Variants in ARHGAP44 observed in about 807,000 individuals in gnomAD.
ARHGAP44 encodes the protein Rho GTPase activating protein 44, also known as rho GTPase-activating protein 44.
In ARHGAP44, 43 loss-of-function variants were observed where a neutral mutation model predicts 106.8. The ratio of observed to expected loss-of-function variants is 0.40; its 90% CI spans 0.32 to 0.52. ARHGAP44 has a LOEUF of 0.52. ARHGAP44 is among the 20% of genes least tolerant of loss of function. The pLI is 0.48. For synonymous variants in ARHGAP44, 439 were observed against 410.3 expected (o/e 1.07, Z -0.85); for missense variants, 866 against 1,050.5 (o/e 0.82, Z 2.43).
At chr17:12,879,733 T>TACAC (rs757560105) in intron 1 of ARHGAP44, among the ~76,000 whole-genome samples, 16 of 148,430 alleles carry the variant, frequency 1.1e-4, no homozygotes, top group African/African-American at 3.7e-4. Context: ...TATATATATA[T>TACAC]ACACACACAC....
intron 16 of ARHGAP44, among the ~76,000 whole-genome samples, chr17:12,960,041 AGAG>A (rs1414946399): frequency 3.9e-5 from 6 of 152,212 alleles, no homozygotes; most frequent in African/African-American, 1.4e-4. Flanking sequence ...TAAAGTTGGC[AGAG>A]GAGACCTAGG....
chr17:12,914,051 A>G (rs1598045052), intron 4 of ARHGAP44, among the ~76,000 whole-genome samples: 1 of 151,696 alleles, frequency 6.6e-6, no homozygotes, highest in South Asian at 2.1e-4. Context: ...TGTAGCAGAT[A>G]GGAAAAAGAG....
chr17:12,817,966 A>G (rs180774986), intron 1 of ARHGAP44, among the ~76,000 whole-genome samples: 2 of 152,168 alleles, frequency 1.3e-5, no homozygotes, highest in Admixed American at 6.5e-5. Context: ...TCTCTTTCAG[A>G]AAACAGAAGG....
chr17:12,968,753 TTTTTCTTTTATTTC>T (rs2143282489), intron 16 of ARHGAP44, among the ~76,000 whole-genome samples: 1 of 147,958 alleles, frequency 6.8e-6, no homozygotes, highest in Non-Finnish European at 1.5e-5. Context: ...TTTCTTTTTC[TTTTTCTTTTATTTC>T]TTTTCTTTTT....
At chr17:12,960,941 G>T (rs982104141) in intron 16 of ARHGAP44, among the ~76,000 whole-genome samples, 1 of 152,208 alleles carries the variant, frequency 6.6e-6, no homozygotes, top group African/African-American at 2.4e-5. Context: ...ACTAGACAGT[G>T]CATTGGAACT....
intron 1 of ARHGAP44, 75 bp downstream of exon 1, chr17:12,789,966 C>G: frequency 7.3e-7 from 1 of 1,367,302 alleles, no homozygotes; most frequent in East Asian, 3.1e-5. Context: ...GGTGATGGAG[C>G]CCGCCCAGCC....
chr17:12,889,570 G>A (rs571229652), intron 1 of ARHGAP44, among the ~76,000 whole-genome samples: 45 of 152,240 alleles, frequency 3.0e-4, no homozygotes, highest in African/African-American at 1.0e-3. Flanking sequence ...TTCCAACACA[G>A]GAACTTCAGG....
chr17:12,831,157 T>C (rs2035076258), intron 1 of ARHGAP44, among the ~76,000 whole-genome samples: 1 of 152,338 alleles, frequency 6.6e-6, no homozygotes, highest in African/African-American at 2.4e-5. Flanking sequence ...CATTGAATTC[T>C]TCAACAACTC....
chr17:12,898,005 T>C (rs1378859934), intron 3 of ARHGAP44, among the ~76,000 whole-genome samples: 2 of 152,040 alleles, frequency 1.3e-5, no homozygotes, highest in Non-Finnish European at 2.9e-5. Flanking sequence ...ATTTGAGGTA[T>C]GGCAAAGCCA....
At chr17:12,851,209 C>G (rs2035729638) in intron 1 of ARHGAP44, among the ~76,000 whole-genome samples, 1 of 152,216 alleles carries the variant, frequency 6.6e-6, no homozygotes, top group African/African-American at 2.4e-5. Flanking sequence ...CCGCTGTGGC[C>G]TCTCCCTGCA....
chr17:12,879,429 G>A (rs1427783407), intron 1 of ARHGAP44, among the ~76,000 whole-genome samples: 1 of 152,074 alleles, frequency 6.6e-6, no homozygotes, highest in East Asian at 1.9e-4. Flanking sequence ...CTATAAACAT[G>A]CATGTGTAAG....
intron 1 of ARHGAP44, among the ~76,000 whole-genome samples, chr17:12,831,318 T>C (rs2035082593): frequency 6.6e-6 from 1 of 152,190 alleles, no homozygotes; most frequent in Non-Finnish European, 1.5e-5. Context: ...TCCTGTTATT[T>C]TACCAAAATC....
At position 12,841,991 on chromosome 17, in the gene ARHGAP44, A is replaced by C. The variant is rs142247275; in HGVS notation, c.53+52100A>C. On this transcript the variant is annotated intron_variant, in intron 1 of 20. Coordinates refer to ENST00000379672, the MANE Select transcript of ARHGAP44 (RefSeq NM_014859.6). ...CAAAACAGCAATACCGGTTTAGGGA[A>C]AGGAAAGTAATTCTGCATGACCTCT... Among the ~76,000 whole-genome samples, 245 of 152,262 alleles carry C rather than the reference A, an allele frequency of 1.6e-3. 1 individual carries two copies. The highest frequency in any genetic ancestry group is 5.5e-3 in the African/African-American group (228 of 41,558).
intron 1 of ARHGAP44, among the ~76,000 whole-genome samples, chr17:12,838,875 T>C (rs2035316035): frequency 6.6e-6 from 1 of 151,936 alleles, no homozygotes; most frequent in Non-Finnish European, 1.5e-5. Context: ...TATATGTATA[T>C]ATATATATTT....
intron 18 of ARHGAP44, among the ~76,000 whole-genome samples, chr17:12,975,109 C>T (rs1379898832): frequency 3.3e-5 from 5 of 152,102 alleles, no homozygotes; most frequent in Non-Finnish European, 7.4e-5. Context: ...CTCGGCCTCC[C>T]AAACTGCTGG....
chr17:12,948,996 G>A, intron 10 of ARHGAP44, 144 bp from the exon 11 acceptor site: 4 of 801,128 alleles, frequency 5.0e-6, no homozygotes, highest in East Asian at 2.7e-5. Flanking sequence ...CATTGAGAAA[G>A]CAGGCAACTG....
At chr17:12,968,772 C>CTTTTTTTTTTTTTTT (rs533743635) in intron 16 of ARHGAP44, among the ~76,000 whole-genome samples, 1 of 115,616 alleles carries the variant, frequency 8.6e-6, no homozygotes, top group Non-Finnish European at 2.0e-5. Flanking sequence ...TATTTCTTTT[C>CTTTTTTTTTTTTTTT]TTTTTTTTTT....
intron 1 of ARHGAP44, among the ~76,000 whole-genome samples, chr17:12,809,992 T>C (rs1163266692): frequency 6.6e-6 from 1 of 151,606 alleles, no homozygotes; most frequent in African/African-American, 2.4e-5. Context: ...TAGGGGATGG[T>C]GGTGAGGAAT....
intron 1 of ARHGAP44, among the ~76,000 whole-genome samples, chr17:12,801,153 A>G (rs2034081512): frequency 6.6e-6 from 1 of 152,242 alleles, no homozygotes; most frequent in Non-Finnish European, 1.5e-5. Flanking sequence ...CCTATGTAAC[A>G]CATTAACCAA....
Sources: allele counts gnomAD v4.1 joint callset (sites outside exome capture counted in the v4.1 genomes callset), GRCh38; gene constraint gnomAD v4.1.1; transcripts MANE v1.5; gene names NCBI Gene and HGNC (gene_info 2026-07-23, HGNC 2026-07-21).